The following PIEZO2 variants were observed in gnomAD, a reference collection of about 807,000 sequenced individuals.
The protein encoded by PIEZO2 is piezo-type mechanosensitive ion channel component 2.
In PIEZO2, 172 loss-of-function variants were observed where a neutral mutation model predicts 337.3. That is an observed-to-expected ratio of 0.51 (90% CI 0.45 to 0.58). The LOEUF is 0.58. Among genes scored for constraint, PIEZO2 ranks in the 20% least tolerant of loss-of-function variants. PIEZO2 has a pLI of 0.00. For synonymous variants in PIEZO2, 1,251 were observed against 1,228.5 expected (o/e 1.02, Z -0.38); for missense variants, 3,028 against 3,391.3 (o/e 0.89, Z 2.66).
At position 11,128,142 on chromosome 18, in the gene PIEZO2, C is replaced by A. The variant is rs1747402640; in HGVS notation, c.64+20383G>T. 6.6e-6 allele frequency among the ~76,000 whole-genome samples: 1 copy of A among 152,036 alleles called. No homozygotes were observed. ...AATACCTTTAACCATATGTGGAGAA[C>A]CAAGGAACGTAATAAAGCTGGTTGG... On this transcript the variant is annotated intron_variant, in intron 1 of 55. Transcript: ENST00000674853. The surrounding 1 kb of genome is among the most constrained non-coding windows in gnomAD (Gnocchi z 4.1).
At position 11,078,765 on chromosome 18, in the gene PIEZO2, C is replaced by G. The variant is rs544135277; in HGVS notation, c.65-12543G>C. The stretch of plus-strand genomic sequence containing the variant: ...ATAGCAATGAATTGGATGAATGCCT[C>G]AAAATGAACCTCTTTTGCCAGATCT... On this transcript the variant is annotated intron_variant, in intron 1 of 55. Transcript: ENST00000674853. This position sits in a 1 kb window ranked among gnomAD's most constrained non-coding sequence, Gnocchi z 5.3. Among the ~76,000 whole-genome samples, 1 of 152,200 alleles carries G rather than the reference C, an allele frequency of 6.6e-6. No individual in the cohort carries two copies. The highest frequency in any genetic ancestry group is 2.4e-5 in the African/African-American group (1 of 41,468).
chr18:10,734,965 C>G (rs1212586649), intron 35 of PIEZO2, among the ~76,000 whole-genome samples: 1 of 152,196 alleles, frequency 6.6e-6, no homozygotes, highest in Non-Finnish European at 1.5e-5. Context: ...ATGAGAAGGA[C>G]AGCAAGTATA....
At chr18:10,778,333 C>T (rs1598467009) in intron 18 of PIEZO2, among the ~76,000 whole-genome samples, 2 of 132,560 alleles carry the variant, frequency 1.5e-5, no homozygotes, top group East Asian at 2.2e-4. Context: ...GCTCTGGCTG[C>T]TCTTTTTTTT....
chr18:10,963,397 T>C (rs990125337), intron 3 of PIEZO2, among the ~76,000 whole-genome samples: 1 of 152,200 alleles, frequency 6.6e-6, no homozygotes, highest in Non-Finnish European at 1.5e-5. Context: ...TTTCTGTATC[T>C]CTGCCTAGGT....
At chr18:10,797,325 A>C in intron 12 of PIEZO2, 49 bp downstream of exon 12, 1 of 1,330,700 alleles carries the variant, frequency 7.5e-7, no homozygotes, top group South Asian at 1.3e-5. Context: ...ACATACCATC[A>C]TATCATATTA....
intron 1 of PIEZO2, among the ~76,000 whole-genome samples, chr18:11,133,898 A>G (rs963665795): frequency 6.6e-6 from 1 of 152,062 alleles, no homozygotes; most frequent in Non-Finnish European, 1.5e-5. Flanking sequence ...ATACACACAC[A>G]TATCATATTA....
intron 1 of PIEZO2, among the ~76,000 whole-genome samples, chr18:11,107,107 G>A (rs1363604957): frequency 6.6e-6 from 1 of 152,162 alleles, no homozygotes; most frequent in Non-Finnish European, 1.5e-5. Flanking sequence ...CAAGGGGAAG[G>A]GGAGGTAGAT....
chr18:11,037,956 C>T lies in PIEZO2; in HGVS notation c.160+28171G>A, dbSNP rs556406052. Among the ~76,000 whole-genome samples, 25 of 152,262 alleles carry T rather than the reference C, an allele frequency of 1.6e-4. No individual in the cohort carries two copies. In the South Asian group the frequency reaches 5.2e-3, roughly 32 times the overall value. On this transcript the variant is annotated intron_variant, in intron 2 of 55. Transcript: ENST00000674853. ...CTCCATATCAAAAACACTTCTGGAC[C>T]AAATAAGACTCTGAGTAAGAACCTG...
chr18:10,698,765 A>T (rs907167001), intron 44 of PIEZO2, among the ~76,000 whole-genome samples, 160 bp downstream of exon 44: 61 of 152,160 alleles, frequency 4.0e-4, no homozygotes, highest in African/African-American at 1.3e-3. Context: ...GCAGGATTTG[A>T]ACTCGGGTTT....
rs991123466 is a variant in PIEZO2, at chr18:11,077,470, C to G, written c.65-11248G>C. ...TTGCTTGAGACCAGGAATTTGAGACCAACCTGGGCAACATAGTGAGACCCC... is the reference window on the plus strand; with the variant it reads ...TTGCTTGAGACCAGGAATTTGAGACGAACCTGGGCAACATAGTGAGACCCC... On this transcript the variant is annotated intron_variant, in intron 1 of 55. Transcript: ENST00000674853. This position sits in a 1 kb window ranked among gnomAD's most constrained non-coding sequence, Gnocchi z 4.8. 8.6e-5 allele frequency among the ~76,000 whole-genome samples: 13 copies of G among 152,046 alleles called. No homozygotes were observed. Among genetic ancestry groups the G allele is most frequent in the African/African-American group, 3.1e-4 (13 of 41,384 alleles).
intron 2 of PIEZO2, among the ~76,000 whole-genome samples, chr18:11,000,278 A>G (rs1307825190): frequency 1.3e-5 from 2 of 152,208 alleles, no homozygotes; most frequent in African/African-American, 4.8e-5. Flanking sequence ...CCTTCCTTGC[A>G]AAAGCTCAAT....
chr18:10,797,322 A>G (rs2039645544), intron 12 of PIEZO2, 52 bp downstream of exon 12: 4 of 1,327,854 alleles, frequency 3.0e-6, no homozygotes, highest in Admixed American at 2.2e-5. Flanking sequence ...CACACATACC[A>G]TCATATCATA....
intron 1 of PIEZO2, among the ~76,000 whole-genome samples, chr18:11,124,408 A>AATAC (rs2040122884): frequency 6.6e-6 from 1 of 152,208 alleles, no homozygotes. Context: ...AAGCCATAGA[A>AATAC]ATACAACATC....
Position 10,766,421 on chromosome 18 carries a change from C to T in PIEZO2, c.2947-3323G>A, listed in dbSNP as rs2038360483. ...GAATTTTAGGGAAATAGATGCTGGTCCACGTACATAACAACTGTCCAGGTG... is the reference window on the plus strand; with the variant it reads ...GAATTTTAGGGAAATAGATGCTGGTTCACGTACATAACAACTGTCCAGGTG... On this transcript the variant is annotated intron_variant, in intron 21 of 55. Transcript: ENST00000674853. This position sits in a 1 kb window ranked among gnomAD's most constrained non-coding sequence, Gnocchi z 6.1. Among the ~76,000 whole-genome samples the T allele has an allele frequency of 2.0e-5, 3 of 152,298 alleles. No homozygotes were observed. Among genetic ancestry groups the T allele is most frequent in the South Asian group, 4.1e-4 (2 of 4,828 alleles).
chr18:10,805,152 A>G (rs1414241519), intron 8 of PIEZO2, among the ~76,000 whole-genome samples: 1 of 152,254 alleles, frequency 6.6e-6, no homozygotes, highest in Non-Finnish European at 1.5e-5. Context: ...TCCCAGAGAA[A>G]GCAAATGGGC....
intron 13 of PIEZO2, among the ~76,000 whole-genome samples, chr18:10,793,385 T>C (rs2039475481): frequency 6.6e-6 from 1 of 152,194 alleles, no homozygotes; most frequent in Non-Finnish European, 1.5e-5. Context: ...AAAATATAAG[T>C]GCAGAACCTA....
At chr18:10,810,294 G>A (rs548140521) in intron 7 of PIEZO2, among the ~76,000 whole-genome samples, 3 of 152,290 alleles carry the variant, frequency 2.0e-5, no homozygotes, top group East Asian at 3.9e-4. Flanking sequence ...GTCCCCAGTA[G>A]AGACACATCA....
intron 53 of PIEZO2, among the ~76,000 whole-genome samples, chr18:10,675,831 G>A (rs1298892567): frequency 1.3e-5 from 2 of 152,072 alleles, no homozygotes; most frequent in Admixed American, 1.3e-4. Flanking sequence ...TTGTGATAGT[G>A]AATAAGTCTC....
intron 4 of PIEZO2, among the ~76,000 whole-genome samples, chr18:10,910,601 A>G (rs2030390626): frequency 6.6e-6 from 1 of 152,168 alleles, no homozygotes; most frequent in South Asian, 2.1e-4. Flanking sequence ...TTAAAAAAAA[A>G]GAAAGAAAAA....
Sources: gnomAD v4.1 joint callset for allele counts (sites outside exome capture counted in the v4.1 genomes callset) on GRCh38, gnomAD v4.1.1 for gene constraint, Gnocchi (gnomAD v3.1) non-coding constraint, MANE v1.5 for transcripts, NCBI Gene and HGNC (gene_info 2026-07-23, HGNC 2026-07-21) for gene names.